Variants in GALNT18 observed in about 807,000 individuals in gnomAD.
GALNT18 encodes the protein GalNAc-transferase 18.
Under a neutral mutation model 69.5 loss-of-function variants are expected in GALNT18, and 44 were observed. That is an observed-to-expected ratio of 0.63 (90% CI 0.50 to 0.81). The LOEUF is 0.81. Ranked by LOEUF, GALNT18 falls within the 40% of genes least tolerant of loss-of-function variation. The pLI, the probability that GALNT18 is intolerant of heterozygous loss-of-function variation, is 0.00. For synonymous variants in GALNT18, 364 were observed against 318.2 expected, an observed-to-expected ratio of 1.14 and a Z score of -1.53; for missense variants, 715 against 810.0, an observed-to-expected ratio of 0.88 and a Z score of 1.42.
intron 3 of GALNT18, among the ~76,000 whole-genome samples, chr11:11,386,677 C>T (rs1490733169): frequency 6.6e-6 from 1 of 152,082 alleles, no homozygotes; most frequent in African/African-American, 2.4e-5. Flanking sequence ...TATATGTTAT[C>T]TCATTTAATC....
At position 11,614,430 on chromosome 11, in the gene GALNT18, C is replaced by A. The variant is rs1280502119; in HGVS notation, c.235+6929G>T. 6.6e-6 allele frequency among the ~76,000 whole-genome samples: 1 copy of A among 151,908 alleles called. No homozygotes were observed. The highest frequency in any genetic ancestry group is 2.4e-5 in the African/African-American group (1 of 41,308). On this transcript the variant is annotated intron_variant, in intron 1 of 10. Transcript: ENST00000227756. This position sits in a 1 kb window ranked among gnomAD's most constrained non-coding sequence, Gnocchi z 5.6. ...GCAGCAAGGCTCTTTAAACAACCAG[C>A]TCTTGAATGAACAAATACAGCAAGA...
chr11:11,516,328 TAA>T (rs1857275462), intron 1 of GALNT18, among the ~76,000 whole-genome samples: 1 of 152,210 alleles, frequency 6.6e-6, no homozygotes, highest in Non-Finnish European at 1.5e-5. Flanking sequence ...GTCTCAGCAC[TAA>T]GTGGCCTTAG....
At chr11:11,303,252 T>A (rs10765830) in intron 9 of GALNT18, among the ~76,000 whole-genome samples, 1 of 151,796 alleles carries the variant, frequency 6.6e-6, no homozygotes, top group Non-Finnish European at 1.5e-5. Flanking sequence ...ACATCCTTCT[T>A]GCTTCTTGGG....
intron 1 of GALNT18, among the ~76,000 whole-genome samples, chr11:11,520,612 G>A (rs1010733186): frequency 1.3e-5 from 2 of 152,202 alleles, no homozygotes; most frequent in African/African-American, 2.4e-5. Flanking sequence ...AAGGGCAGCA[G>A]GACGCTGAGT....
At chr11:11,429,927 T>A (rs1855228629) in intron 3 of GALNT18, among the ~76,000 whole-genome samples, 1 of 152,006 alleles carries the variant, frequency 6.6e-6, no homozygotes, top group Admixed American at 6.6e-5. Flanking sequence ...ATTGCTTGAG[T>A]CCAGGAGTTT....
intron 1 of GALNT18, among the ~76,000 whole-genome samples, chr11:11,513,984 T>A (rs1857214482): frequency 1.3e-5 from 1 of 76,680 alleles, no homozygotes; most frequent in African/African-American, 5.4e-5. Context: ...TGAGTGCTGG[T>A]TCCCCCCAAG....
At position 11,337,351 on chromosome 11, in the gene GALNT18, C is replaced by T. The variant is rs1850131654; in HGVS notation, c.1278+3468G>A. ...TATAATGACACAAAAATGAATAAAG[C>T]AGTCTGTCCTCAGAGAGCCCATGGT... is the stretch of plus-strand genomic sequence containing the variant. On this transcript the variant is annotated intron_variant, in intron 7 of 10. Coordinates refer to ENST00000227756, the MANE Select transcript of GALNT18 (RefSeq NM_198516.3). This position sits in a 1 kb window ranked among gnomAD's most constrained non-coding sequence, Gnocchi z 4.9. Among the ~76,000 whole-genome samples the T allele has an allele frequency of 6.6e-6, 1 of 152,100 alleles. No individual in the cohort carries two copies. Among genetic ancestry groups the T allele is most frequent in the Non-Finnish European group, 1.5e-5 (1 of 68,032 alleles).
chr11:11,458,464 G>T (rs1436444549), intron 1 of GALNT18, among the ~76,000 whole-genome samples: 2 of 152,198 alleles, frequency 1.3e-5, no homozygotes, highest in Non-Finnish European at 1.5e-5. Flanking sequence ...GGGTTAAAAA[G>T]AAGAGGGCTA....
chr11:11,420,988 C>A (rs183703938), intron 3 of GALNT18, among the ~76,000 whole-genome samples: 5 of 152,190 alleles, frequency 3.3e-5, no homozygotes, highest in African/African-American at 1.2e-4. Flanking sequence ...GTCCGTAAAG[C>A]AAAATGGTAC....
rs2133947841 is a variant in GALNT18 at position 11,602,568 on chromosome 11, T to C, written c.235+18791A>G. Among the ~76,000 whole-genome samples the C allele has an allele frequency of 6.6e-6, 1 of 152,348 alleles. No homozygotes were observed. The highest frequency in any genetic ancestry group is 2.1e-4 in the South Asian group (1 of 4,828). On this transcript the variant is annotated intron_variant, in intron 1 of 10. Transcript: ENST00000227756. This position sits in a 1 kb window ranked among gnomAD's most constrained non-coding sequence, Gnocchi z 4.7. ...GCTCAAATGTCCCAGACTCTTGTTA[T>C]TACTAAAATTTAGTAGATTTTCTTG... is the stretch of plus-strand genomic sequence containing the variant.
At chr11:11,475,111 C>A (rs1365537584) in intron 1 of GALNT18, 1 of 152,202 alleles carries the variant, frequency 6.6e-6, no homozygotes, top group East Asian at 1.9e-4. Flanking sequence ...ATGTAAATTT[C>A]AGTATGTAGA....
At chr11:11,521,348 C>T (rs12809008) in intron 1 of GALNT18, among the ~76,000 whole-genome samples, 33,069 of 152,042 alleles carry the variant, frequency 0.22, 4,230 homozygotes, top group Non-Finnish European at 0.27. Context: ...TGGTGACTTA[C>T]GGTGTAAGCC....
intron 1 of GALNT18, among the ~76,000 whole-genome samples, chr11:11,486,057 C>A (rs950095495): frequency 6.6e-6 from 1 of 152,126 alleles, no homozygotes; most frequent in Non-Finnish European, 1.5e-5. Flanking sequence ...GCAGAGGCCA[C>A]CTTGAGTCCC....
At position 11,421,928 on chromosome 11, in the gene GALNT18, C is replaced by A. The variant is rs1191682020; in HGVS notation, c.595+10693G>T. Among the ~76,000 whole-genome samples the A allele has an allele frequency of 6.6e-6, 1 of 152,180 alleles. No homozygotes were observed. Among genetic ancestry groups the A allele is most frequent in the Non-Finnish European group, 1.5e-5 (1 of 68,040 alleles). On this transcript the variant is annotated intron_variant, in intron 3 of 10. Coordinates refer to ENST00000227756, the MANE Select transcript of GALNT18 (RefSeq NM_198516.3). The surrounding 1 kb of genome is among the most constrained non-coding windows in gnomAD (Gnocchi z 5.6). ...AGACTTTATTTTAGCCCCTACGTGC[C>A]CCTGGCCTGGGTGCCCTGGCATAGA...
Position 11,293,195 on chromosome 11 carries a change from T to C in GALNT18, c.1513-2A>G. The stretch of plus-strand genomic sequence containing the variant: ...CTGACTGCTCGTGTAGTACACGTTC[T>C]GGGGGCGGAGGGAGGGAGAGAGTGT... On this transcript the variant is annotated splice_acceptor_variant, in intron 9 of 10. Coordinates refer to ENST00000227756, the MANE Select transcript of GALNT18 (RefSeq NM_198516.3). LOFTEE classifies it high-confidence loss of function. The C allele has an allele frequency of 7.6e-7, 1 of 1,321,640 alleles. No individual in the cohort carries two copies. Among genetic ancestry groups the C allele is most frequent in the Non-Finnish European group, 9.7e-7 (1 of 1,025,966 alleles). The allele number at this position is 1,321,640 out of a possible 1,614,324, so 81.9% of individuals were successfully genotyped here.
intron 3 of GALNT18, among the ~76,000 whole-genome samples, chr11:11,392,616 T>C (rs1365055079): frequency 6.6e-6 from 1 of 152,066 alleles, no homozygotes; most frequent in African/African-American, 2.4e-5. Flanking sequence ...CGAAACTCCT[T>C]CTCAAAAAGA....
intron 3 of GALNT18, among the ~76,000 whole-genome samples, chr11:11,422,044 C>CATCTAT (rs200766581): frequency 0.011 from 1,689 of 151,884 alleles, 39 homozygotes; most frequent in African/African-American, 0.038. Flanking sequence ...ATATCTATAT[C>CATCTAT]ATCTATATCT....
In GALNT18 at chr11:11,618,459, G is replaced by T. The variant is rs138891186; in HGVS notation, c.235+2900C>A. 6.6e-6 allele frequency among the ~76,000 whole-genome samples: 1 copy of T among 152,194 alleles called. No homozygotes were observed. Among genetic ancestry groups the T allele is most frequent in the African/African-American group, 2.4e-5 (1 of 41,450 alleles). The stretch of plus-strand genomic sequence containing the variant: ...CTTGGCATGAAACAAAGCAAAACCT[G>T]AGTTTATCTATGGAGTTTCCAAGTG... On this transcript the variant is annotated intron_variant, in intron 1 of 10. Coordinates refer to ENST00000227756, the MANE Select transcript of GALNT18 (RefSeq NM_198516.3). This position sits in a 1 kb window ranked among gnomAD's most constrained non-coding sequence, Gnocchi z 6.1.
chr11:11,289,360 G>A (rs1302192449), intron 10 of GALNT18, among the ~76,000 whole-genome samples: 2 of 152,222 alleles, frequency 1.3e-5, no homozygotes, highest in Non-Finnish European at 2.9e-5. Context: ...GGTTGCCAAA[G>A]CACTCCGGGG....
Sources: allele counts gnomAD v4.1 joint callset (sites outside exome capture counted in the v4.1 genomes callset), GRCh38; gene constraint gnomAD v4.1.1; non-coding constraint Gnocchi (gnomAD v3.1); transcripts MANE v1.5; gene names NCBI Gene and HGNC (gene_info 2026-07-23, HGNC 2026-07-21).